EPHB2: variants seen among roughly 807,000 people sequenced by gnomAD.
EPHB2 encodes the protein ephrin type-B receptor 2.
EPHB2 carries 18 observed loss-of-function variants against 96.4 expected under a neutral mutation model. That is an observed-to-expected ratio of 0.19 (90% confidence interval 0.13 to 0.28). The LOEUF is 0.28. Ranked by LOEUF, EPHB2 falls within the 10% of genes least tolerant of loss-of-function variation. EPHB2 has a pLI of 1.00. For missense variants in EPHB2, 989 were observed against 1,355.4 expected, an observed-to-expected ratio of 0.73 and a Z score of 4.25; for synonymous variants, 506 against 534.1, an observed-to-expected ratio of 0.95 and a Z score of 0.72.
intron 1 of EPHB2, among the ~76,000 whole-genome samples, chr1:22,762,755 A>T (rs1407778665): frequency 6.6e-6 from 1 of 152,198 alleles, no homozygotes; most frequent in African/African-American, 2.4e-5. Context: ...ACCAATGGCC[A>T]CTATTGTAAT....
Position 22,790,377 on chromosome 1 carries a change from G to T in EPHB2, c.811+5301G>T, listed in dbSNP as rs527530475. Among the ~76,000 whole-genome samples, 3 of 152,306 alleles carry T rather than the reference G, an allele frequency of 2.0e-5. No individual in the cohort carries two copies. The South Asian group carries it at 6.2e-4, about 32-fold the overall frequency. ...GATTCCTGGGACTTCCTTTAGAAGA[G>T]CCCTGTTCCCTCCCCAACCCCAGTC... On this transcript the variant is annotated intron_variant, in intron 3 of 15. Transcript: ENST00000374630. The surrounding 1 kb of genome is among the most constrained non-coding windows in gnomAD (Gnocchi z 4.0).
At chr1:22,896,003 C>T (rs945460856) in intron 8 of EPHB2, among the ~76,000 whole-genome samples, 2 of 152,294 alleles carry the variant, frequency 1.3e-5, no homozygotes, top group Middle Eastern at 3.4e-3. Context: ...GTGGCTAGGA[C>T]GGTACAAGCA....
intron 3 of EPHB2, among the ~76,000 whole-genome samples, chr1:22,801,950 T>C (rs990885670): frequency 2.6e-5 from 4 of 152,204 alleles, no homozygotes; most frequent in African/African-American, 9.6e-5. Context: ...GAATCCCGCC[T>C]CAGCCCCTCC....
intron 3 of EPHB2, among the ~76,000 whole-genome samples, chr1:22,825,865 C>T (rs963861882): frequency 1.3e-5 from 2 of 152,196 alleles, no homozygotes; most frequent in African/African-American, 2.4e-5. Flanking sequence ...GAGAGTTAGA[C>T]AAATGAGGAT....
intron 3 of EPHB2, among the ~76,000 whole-genome samples, chr1:22,806,441 A>G (rs965066426): frequency 3.3e-5 from 5 of 152,268 alleles, no homozygotes; most frequent in South Asian, 4.2e-4. Flanking sequence ...CAAATGCTCA[A>G]CAGTGCTTGC....
At chr1:22,776,449 C>T (rs1644454617) in intron 1 of EPHB2, among the ~76,000 whole-genome samples, 1 of 152,214 alleles carries the variant, frequency 6.6e-6, no homozygotes, top group South Asian at 2.1e-4. Context: ...TATCTGTGTA[C>T]AGTGACAACA....
rs201735472 is a variant in EPHB2, at chr1:22,892,841, A to G, written c.1429-43A>G. The G allele has an allele frequency of 1.3e-4, 205 of 1,613,986 alleles. 1 individual carries two copies. In the East Asian group the frequency reaches 3.4e-3, roughly 26 times the overall value. ...GCAGGCAGTGGGCTCTGGACCCACT[A>G]TGAGCCACAACCTCACTAATTTTCT... On this transcript the variant is annotated intron_variant, in intron 6 of 15. Coordinates refer to ENST00000374630, the MANE Select transcript of EPHB2 (RefSeq NM_017449.5).
At chr1:22,782,471 C>T (rs955800646) in intron 2 of EPHB2, among the ~76,000 whole-genome samples, 5 of 151,018 alleles carry the variant, frequency 3.3e-5, no homozygotes, top group Admixed American at 3.3e-4. Flanking sequence ...CCCCACCCCC[C>T]AGGCCTGTGC....
At chr1:22,895,391 C>A in intron 7 of EPHB2, 81 bp from the exon 8 acceptor site, 1 of 1,329,882 alleles carries the variant, frequency 7.5e-7, no homozygotes, top group Non-Finnish European at 1.1e-6. Flanking sequence ...GGAGACCCAG[C>A]AGCATGGCAG....
intron 1 of EPHB2, chr1:22,775,244 G>A: frequency 1.3e-6 from 1 of 779,818 alleles, no homozygotes; most frequent in Non-Finnish European, 2.4e-6. Context: ...CACTTATGCA[G>A]GTTGGTTCTC....
intron 1 of EPHB2, among the ~76,000 whole-genome samples, chr1:22,773,898 C>G (rs964261715): frequency 4.6e-5 from 7 of 152,222 alleles, no homozygotes; most frequent in African/African-American, 7.2e-5. Flanking sequence ...CCATGGAAAC[C>G]TTGAACAACC....
At chr1:22,759,481 A>G (rs1287307236) in intron 1 of EPHB2, among the ~76,000 whole-genome samples, 1 of 151,924 alleles carries the variant, frequency 6.6e-6, no homozygotes, top group Non-Finnish European at 1.5e-5. Context: ...GTGGGATTTC[A>G]TTCCTCTTGG....
chr1:22,910,916 T>A (rs970341987), intron 14 of EPHB2, among the ~76,000 whole-genome samples: 3 of 152,236 alleles, frequency 2.0e-5, no homozygotes, highest in African/African-American at 7.2e-5. Flanking sequence ...AGTGGGTGGA[T>A]CGCCTGAGGA....
intron 3 of EPHB2, among the ~76,000 whole-genome samples, chr1:22,826,181 T>G (rs10799767): frequency 1 from 151,966 of 152,308 alleles, 75,815 homozygotes; most frequent in Middle Eastern, 1. Flanking sequence ...CTGCCTTCCT[T>G]CAGGCAGTGA....
intron 3 of EPHB2, among the ~76,000 whole-genome samples, chr1:22,842,198 C>G (rs1163158702): frequency 6.6e-6 from 1 of 151,970 alleles, no homozygotes; most frequent in Non-Finnish European, 1.5e-5. Flanking sequence ...CCCCCAGGCA[C>G]CTGTCCCAGA....
intron 1 of EPHB2, among the ~76,000 whole-genome samples, chr1:22,754,952 G>A (rs1451262850): frequency 2.7e-5 from 4 of 150,922 alleles, no homozygotes; most frequent in African/African-American, 9.8e-5. Context: ...GAGGTGAGGC[G>A]AGGGGCAGGA....
intron 9 of EPHB2, among the ~76,000 whole-genome samples, chr1:22,903,736 A>G (rs1053454751): frequency 2.0e-5 from 3 of 152,198 alleles, no homozygotes; most frequent in Non-Finnish European, 2.9e-5. Flanking sequence ...GACAGCTGCT[A>G]TTATGATTCT....
rs199964443 is a variant in EPHB2, at chr1:22,803,729, A to ATG, written c.811+18667_811+18668dup. Among the ~76,000 whole-genome samples, 182 of 147,394 alleles carry ATG rather than the reference A, an allele frequency of 1.2e-3. 1 individual carries two copies. The highest frequency in any genetic ancestry group is 2.9e-3 in the African/African-American group (114 of 39,990). On this transcript the variant is annotated intron_variant, in intron 3 of 15. Coordinates refer to ENST00000374630, the MANE Select transcript of EPHB2 (RefSeq NM_017449.5). The stretch of plus-strand genomic sequence containing the variant: ...TATGTATATGTGTATATATATGTAT[A>ATG]TGTGTGTGTGTGTGTATATATATAT...
At chr1:22,754,228 C>G (rs1644109012) in intron 1 of EPHB2, among the ~76,000 whole-genome samples, 1 of 152,154 alleles carries the variant, frequency 6.6e-6, no homozygotes. Flanking sequence ...CAAAGGTGCT[C>G]AGAAACCTCC....
Sources: allele counts gnomAD v4.1 joint callset (sites outside exome capture counted in the v4.1 genomes callset), GRCh38; gene constraint gnomAD v4.1.1; non-coding constraint Gnocchi (gnomAD v3.1); transcripts MANE v1.5; gene names NCBI Gene and HGNC (gene_info 2026-07-23, HGNC 2026-07-21).